Variants in CDH11 observed in about 807,000 individuals in gnomAD.
CDH11 encodes cadherin-11.
A neutral mutation model predicts 67.8 loss-of-function variants in CDH11; 11 were observed. The observed-to-expected ratio is 0.16, with a 90% confidence interval of 0.10 to 0.27. The LOEUF (loss-of-function observed/expected upper bound fraction) is 0.27, where lower values mean the gene tolerates loss of function less well. Among genes scored for constraint, CDH11 ranks in the 10% least tolerant of loss-of-function variants. The pLI is 1.00. For synonymous variants in CDH11, 419 were observed against 400.0 expected, an observed-to-expected ratio of 1.05 and a Z score of -0.57; for missense variants, 847 against 1,031.2, an observed-to-expected ratio of 0.82 and a Z score of 2.45.
chr16:65,038,005 T>C (rs1210392259), intron 2 of CDH11, among the ~76,000 whole-genome samples: 2 of 152,082 alleles, frequency 1.3e-5, no homozygotes, highest in Non-Finnish European at 2.9e-5. Context: ...TTTTTCTTTT[T>C]TAATAAAAAA....
chr16:64,955,391 C>T (rs772897978), intron 11 of CDH11, among the ~76,000 whole-genome samples: 6 of 152,000 alleles, frequency 3.9e-5, no homozygotes, highest in Non-Finnish European at 7.4e-5. Context: ...CGAGATTGTG[C>T]CACTGCACTC....
intron 1 of CDH11, among the ~76,000 whole-genome samples, chr16:65,116,700 T>C (rs952260717): frequency 1.3e-5 from 2 of 152,202 alleles, no homozygotes; most frequent in African/African-American, 4.8e-5. Context: ...TAAAGCTGTT[T>C]AAAGCTGTTT....
intron 1 of CDH11, among the ~76,000 whole-genome samples, chr16:65,100,413 A>G (rs1458136744): frequency 6.6e-6 from 1 of 152,176 alleles, no homozygotes; most frequent in African/African-American, 2.4e-5. Flanking sequence ...AATTGAAAAA[A>G]AAAATTCCTT....
intron 2 of CDH11, among the ~76,000 whole-genome samples, chr16:65,029,711 G>A (rs139802287): frequency 1.9e-3 from 285 of 152,300 alleles, no homozygotes; most frequent in African/African-American, 5.1e-3. Flanking sequence ...TGAATGAATA[G>A]CGTTAGAGTA....
chr16:64,947,767 A>G lies in CDH11; in HGVS notation c.2227T>C (p.Tyr743His). 6.2e-7 allele frequency: 1 copy of G among 1,614,128 alleles called. No homozygotes were observed. The highest frequency in any genetic ancestry group is 1.1e-5 in the South Asian group (1 of 91,082). The change falls in exon 13 of 13, where the codon TAC (tyrosine) becomes CAC (histidine). Residue 743 changes from tyrosine (Y) to histidine (H), a missense_variant. Tyr to His is a moderately conservative substitution (Grantham distance 83). This residue lies in a region of CDH11 where 612 missense variants were observed against 678.7 expected (regional missense o/e 0.90). Transcript: ENST00000268603. ...TAPPYDSIQIYGYEGRGSVAG... is the reference protein window; with the variant it reads ...TAPPYDSIQIHGYEGRGSVAG... ...ACTGAGCCCCTGCCTTCATAACCGT[A>G]GATTTGAATGGAGTCATAAGGAGGA...
chr16:65,120,411 G>T (rs1482077361), intron 1 of CDH11, among the ~76,000 whole-genome samples: 1 of 152,104 alleles, frequency 6.6e-6, no homozygotes, highest in African/African-American at 2.4e-5. Context: ...ATTAATTATG[G>T]TAGCCTCCCT....
intron 2 of CDH11, among the ~76,000 whole-genome samples, chr16:65,036,108 C>T (rs2073749078): frequency 2.0e-5 from 3 of 152,062 alleles, no homozygotes; most frequent in Admixed American, 2.0e-4. Flanking sequence ...TTGCACACAG[C>T]CCTGTGTGTT....
At chr16:64,952,272 A>C (rs35144) in intron 11 of CDH11, among the ~76,000 whole-genome samples, 39,705 of 152,132 alleles carry the variant, frequency 0.26, 5,997 homozygotes, top group Middle Eastern at 0.36. Flanking sequence ...ATTTGTATAG[A>C]AATACATAAC....
At chr16:65,058,289 A>G (rs1781137251) in intron 1 of CDH11, among the ~76,000 whole-genome samples, 1 of 152,256 alleles carries the variant, frequency 6.6e-6, no homozygotes, top group African/African-American at 2.4e-5. Context: ...ATATTTTGGA[A>G]CATAGTTAGT....
intron 1 of CDH11, among the ~76,000 whole-genome samples, chr16:65,101,203 T>C (rs1168093611): frequency 2.6e-5 from 4 of 152,196 alleles, no homozygotes; most frequent in Non-Finnish European, 5.9e-5. Flanking sequence ...CCCCAAGAGA[T>C]GCATACCACT....
At chr16:65,028,484 T>C (rs1368883302) in intron 2 of CDH11, among the ~76,000 whole-genome samples, 1 of 152,116 alleles carries the variant, frequency 6.6e-6, no homozygotes, top group Non-Finnish European at 1.5e-5. Flanking sequence ...GTTCTATCTA[T>C]ACTTGCCCTC....
chr16:65,055,986 G>A (rs2074135500), intron 1 of CDH11, among the ~76,000 whole-genome samples: 1 of 152,174 alleles, frequency 6.6e-6, no homozygotes, highest in African/African-American at 2.4e-5. Context: ...CACAGTGAGA[G>A]GACTGTTGTC....
At chr16:64,974,666 T>C (rs35225) in intron 8 of CDH11, among the ~76,000 whole-genome samples, 109,049 of 151,988 alleles carry the variant, frequency 0.72, 41,472 homozygotes, top group East Asian at 1. Flanking sequence ...AAGATATTCA[T>C]ACACCTCCTC....
At position 64,982,260 on chromosome 16, in the gene CDH11, T is replaced by C. The variant is rs767505511; in HGVS notation, c.1041A>G (p.Val347=). 3 of 1,613,320 alleles carry C rather than the reference T, an allele frequency of 1.9e-6. No homozygotes were observed. Among genetic ancestry groups the C allele is most frequent in the East Asian group, 2.2e-5 (1 of 44,860 alleles). ...FETKRAYSLK[V]EAANVHIDPK... Reference sequence around the variant, plus strand: ...GGTCGATGTGCACGTTGGCTGCCTCTACCTTCAAGCTATAGGCTCTTTTGG... The same window carrying C: ...GGTCGATGTGCACGTTGGCTGCCTCCACCTTCAAGCTATAGGCTCTTTTGG... Residue 347 remains valine (V), a synonymous_variant, in exon 8 of 13, where the codon GTA becomes GTG. Transcript: ENST00000268603.
intron 1 of CDH11, among the ~76,000 whole-genome samples, chr16:65,060,922 GC>G (rs1348209719): frequency 2.0e-5 from 3 of 152,108 alleles, no homozygotes; most frequent in Non-Finnish European, 4.4e-5. Context: ...AGCCTCACCT[GC>G]CCACCTTACC....
chr16:64,989,316 G>T (rs1277199991), intron 6 of CDH11, among the ~76,000 whole-genome samples: 1 of 151,968 alleles, frequency 6.6e-6, no homozygotes, highest in Non-Finnish European at 1.5e-5. Context: ...ATGAATGTGA[G>T]CTATTTGTGA....
Position 64,950,964 on chromosome 16 carries a change from T to A in CDH11, c.1697A>T (p.Asp566Val), listed in dbSNP as rs2071346075. 1 of 1,614,154 alleles carries A rather than the reference T, an allele frequency of 6.2e-7. No individual in the cohort carries two copies. The highest frequency in any genetic ancestry group is 8.5e-7 in the Non-Finnish European group (1 of 1,180,034). Residue 566 changes from aspartate (D) to valine (V), a missense_variant, in exon 12 of 13, where the codon GAC (aspartate) becomes GTC (valine). Asp to Val is a radical substitution (Grantham distance 152, BLOSUM62 -3). Around this residue, in one of 2 missense-constraint regions of CDH11, gnomAD observed 612 missense variants for 678.7 expected, o/e 0.90. Transcript: ENST00000268603. ...GATCACTATGGGCAGAAGGTACAAG[T>A]CCTGCTTCTGCCGACTGAACCCTCC... The part of the protein sequence containing the change: ...RRGGFSRQKQ[D>V]LYLLPIVISD...
At chr16:65,113,722 G>C (rs1453606923) in intron 1 of CDH11, among the ~76,000 whole-genome samples, 1 of 152,106 alleles carries the variant, frequency 6.6e-6, no homozygotes, top group Non-Finnish European at 1.5e-5. Context: ...GGAGCAGCCT[G>C]ATATGGTGAC....
chr16:65,118,180 A>C (rs1458135460), intron 1 of CDH11, among the ~76,000 whole-genome samples: 5 of 152,182 alleles, frequency 3.3e-5, no homozygotes, highest in African/African-American at 1.2e-4. Flanking sequence ...AGTGGCCAGA[A>C]GTGCAATCTT....
Sources: gnomAD v4.1 joint callset for allele counts (sites outside exome capture counted in the v4.1 genomes callset) on GRCh38, gnomAD v4.1.1 for gene constraint, gnomAD v4.1.1 regional missense constraint, MANE v1.5 for transcripts, NCBI Gene and HGNC (gene_info 2026-07-23, HGNC 2026-07-21) for gene names.